Variants in PDE4D observed in about 807,000 individuals in gnomAD.
PDE4D encodes 3',5'-cyclic-AMP phosphodiesterase 4D.
A neutral mutation model predicts 87.4 loss-of-function variants in PDE4D; 24 were observed. That is an observed-to-expected ratio of 0.27 (90% confidence interval 0.20 to 0.39). The LOEUF (loss-of-function observed/expected upper bound fraction) is 0.39. Ranked by LOEUF, PDE4D falls within the 10% of genes least tolerant of loss-of-function variation. PDE4D has a pLI of 1.00. For missense variants in PDE4D, 714 were observed against 1,041.0 expected (o/e 0.69, Z 4.32); for synonymous variants, 384 against 383.2 (o/e 1.00, Z -0.02).
At chr5:59,700,825 C>T (rs1752451612) in intron 1 of PDE4D, among the ~76,000 whole-genome samples, 1 of 152,146 alleles carries the variant, frequency 6.6e-6, no homozygotes, top group South Asian at 2.1e-4. Context: ...TAGCATTCTC[C>T]TCTCAATCCC....
chr5:58,978,190 G>A (rs1053742901), intron 11 of PDE4D, among the ~76,000 whole-genome samples: 1 of 152,144 alleles, frequency 6.6e-6, no homozygotes, highest in African/African-American at 2.4e-5. Context: ...CGAGGCAGGA[G>A]GATTGCTTAA....
intron 1 of PDE4D, among the ~76,000 whole-genome samples, chr5:59,761,791 T>C (rs1761997399): frequency 6.6e-6 from 1 of 152,086 alleles, no homozygotes; most frequent in African/African-American, 2.4e-5. Context: ...TGTATATAAG[T>C]AGGAGGAGTA....
At chr5:60,030,097 A>T (rs1767070108) in intron 2 of PDE4D, among the ~76,000 whole-genome samples, 1 of 152,204 alleles carries the variant, frequency 6.6e-6, no homozygotes, top group Non-Finnish European at 1.5e-5. Flanking sequence ...TAATCCCAAT[A>T]TCCTAAAGCC....
chr5:59,223,749 G>A (rs1753073078), intron 1 of PDE4D, among the ~76,000 whole-genome samples: 2 of 152,080 alleles, frequency 1.3e-5, no homozygotes, highest in South Asian at 4.1e-4. Flanking sequence ...CTATGGAGAT[G>A]AGACTGTAGA....
intron 1 of PDE4D, among the ~76,000 whole-genome samples, chr5:60,369,525 G>A (rs1760832800): frequency 6.6e-6 from 1 of 152,146 alleles, no homozygotes; most frequent in Non-Finnish European, 1.5e-5. Context: ...AGAGCACCAA[G>A]GCAGAGAGAG....
intron 5 of PDE4D, among the ~76,000 whole-genome samples, chr5:59,140,159 A>T (rs1777681222): frequency 6.6e-6 from 1 of 152,232 alleles, no homozygotes; most frequent in Non-Finnish European, 1.5e-5. Context: ...ATGAACAGCC[A>T]TGTTGGCTAG....
intron 1 of PDE4D, among the ~76,000 whole-genome samples, chr5:59,617,728 C>T (rs1487338952): frequency 2.0e-5 from 3 of 152,194 alleles, no homozygotes; most frequent in African/African-American, 7.2e-5. Context: ...TTACAGGGAG[C>T]ATGGCCCTGC....
intron 1 of PDE4D, among the ~76,000 whole-genome samples, chr5:60,237,378 A>G (rs539316481): frequency 3.3e-4 from 50 of 152,060 alleles, no homozygotes; most frequent in Non-Finnish European, 6.5e-4. Context: ...ACAATAGGTG[A>G]ATAGTTTAAA....
At chr5:60,451,614 C>A (rs1746099974) in intron 1 of PDE4D, among the ~76,000 whole-genome samples, 1 of 151,966 alleles carries the variant, frequency 6.6e-6, no homozygotes. Context: ...CAAAAGGCAA[C>A]TGATATTAAG....
At chr5:59,231,330 G>T (rs1284783472) in intron 1 of PDE4D, among the ~76,000 whole-genome samples, 1 of 152,222 alleles carries the variant, frequency 6.6e-6, no homozygotes, top group Non-Finnish European at 1.5e-5. Flanking sequence ...CATAAAAGAA[G>T]TTCTCGTTCC....
At chr5:59,703,737 T>C (rs771042566) in intron 1 of PDE4D, 1 of 411,566 alleles carries the variant, frequency 2.4e-6, no homozygotes, top group Non-Finnish European at 5.1e-6. Context: ...AGAGATTTGC[T>C]AGTGGTGTTC....
At chr5:59,138,376 C>A (rs564038632) in intron 5 of PDE4D, among the ~76,000 whole-genome samples, 1 of 152,142 alleles carries the variant, frequency 6.6e-6, no homozygotes, top group African/African-American at 2.4e-5. Context: ...CAACCTCTGC[C>A]TCCTGGGCTC....
intron 5 of PDE4D, among the ~76,000 whole-genome samples, chr5:59,165,248 C>A (rs9918111): frequency 6.6e-6 from 1 of 152,010 alleles, no homozygotes; most frequent in Non-Finnish European, 1.5e-5. Context: ...TTACTGTGAG[C>A]CATGCATTTT....
intron 5 of PDE4D, among the ~76,000 whole-genome samples, chr5:59,047,951 C>T (rs1258431454): frequency 2.0e-5 from 3 of 152,210 alleles, no homozygotes; most frequent in African/African-American, 7.2e-5. Context: ...TGATCTCAGA[C>T]TTCCAGCTCC....
In PDE4D at chr5:59,281,568, G is replaced by A. The variant is rs114105260; in HGVS notation, c.456-65600C>T. ...TTTATTATGGTAAAATACACATCAC[G>A]TAAAATTGACATTTTAACCCTTTCT... On this transcript the variant is annotated intron_variant, in intron 1 of 14. Coordinates refer to ENST00000340635, the MANE Select transcript of PDE4D (RefSeq NM_001104631.2). 6.4e-4 allele frequency among the ~76,000 whole-genome samples: 98 copies of A among 152,186 alleles called. 1 individual carries two copies. Among genetic ancestry groups the A allele is most frequent in the African/African-American group, 2.2e-3 (93 of 41,532 alleles).
intron 1 of PDE4D, among the ~76,000 whole-genome samples, chr5:59,576,877 A>T (rs990168887): frequency 2.0e-5 from 3 of 152,152 alleles, no homozygotes; most frequent in African/African-American, 7.2e-5. Context: ...ACACACCCAA[A>T]GGTTTAAGAC....
At chr5:59,917,034 T>A (rs1317863110) in intron 3 of PDE4D, among the ~76,000 whole-genome samples, 2 of 145,632 alleles carry the variant, frequency 1.4e-5, no homozygotes, top group Non-Finnish European at 3.0e-5. Context: ...GAACTATTGG[T>A]CTCAAGTGAT....
intron 1 of PDE4D, among the ~76,000 whole-genome samples, chr5:60,421,094 C>T (rs990151732): frequency 2.0e-5 from 3 of 152,248 alleles, no homozygotes; most frequent in African/African-American, 7.2e-5. Context: ...TAGACTCCAC[C>T]TCTGTGGGCA....
At chr5:60,315,760 T>C (rs1184086079) in intron 1 of PDE4D, among the ~76,000 whole-genome samples, 1 of 152,156 alleles carries the variant, frequency 6.6e-6, no homozygotes, top group African/African-American at 2.4e-5. Context: ...TCCCCATTCC[T>C]TGTTTTTGTC....
Sources: gnomAD v4.1 joint callset for allele counts (sites outside exome capture counted in the v4.1 genomes callset) on GRCh38, gnomAD v4.1.1 for gene constraint, MANE v1.5 for transcripts, NCBI Gene and HGNC (gene_info 2026-07-23, HGNC 2026-07-21) for gene names.